Variants in ZNF516 observed in about 807,000 individuals in gnomAD.
ZNF516 encodes zinc finger protein 516.
ZNF516 carries 19 observed loss-of-function variants against 79.7 expected under a neutral mutation model. The observed-to-expected ratio is 0.24, with a 90% CI of 0.17 to 0.35. ZNF516 has a LOEUF of 0.35. Among genes scored for constraint, ZNF516 ranks in the 10% least tolerant of loss-of-function variants. The pLI is 1.00. For synonymous variants in ZNF516, 877 were observed against 739.5 expected, an observed-to-expected ratio of 1.19 and a Z score of -3.02; for missense variants, 1,678 against 1,679.5, an observed-to-expected ratio of 1.00 and a Z score of 0.02.
At chr18:76,461,184 AAAATAAATAAAT>A (rs930242113) in intron 2 of ZNF516, among the ~76,000 whole-genome samples, 1 of 152,196 alleles carries the variant, frequency 6.6e-6, no homozygotes, top group Non-Finnish European at 1.5e-5. Context: ...TCCATCTCAA[AAAATAAATAAAT>A]AAATAAAAAT....
At chr18:76,470,501 T>G (rs1334788736) in intron 1 of ZNF516, among the ~76,000 whole-genome samples, 1 of 152,204 alleles carries the variant, frequency 6.6e-6, no homozygotes, top group Non-Finnish European at 1.5e-5. Flanking sequence ...CAATGAGCTT[T>G]GGAATGGTCT....
rs8087857 is a variant in ZNF516 at position 76,461,591 on chromosome 18, T to C, written c.-158+1437A>G. ...TCTGCAATTGTCAGAAATTCATTTA[T>C]AGGACACAAACGTTTTGCAATCTTG... On this transcript the variant is annotated intron_variant, in intron 2 of 6. Transcript: ENST00000443185. Among the ~76,000 whole-genome samples, 157 of 152,362 alleles carry C rather than the reference T, an allele frequency of 1.0e-3. 1 individual carries two copies. The highest frequency in any genetic ancestry group is 3.7e-3 in the African/African-American group (155 of 41,598).
intron 1 of ZNF516, chr18:76,492,175 G>C (rs988647439): frequency 1.0e-6 from 1 of 985,436 alleles, no homozygotes; most frequent in Non-Finnish European, 1.2e-6. Context: ...GGTGGGTACA[G>C]AAGCGCAGCA....
Position 76,492,234 on chromosome 18 carries a change from G to C in ZNF516, c.-272+2910C>G, listed in dbSNP as rs2406197. On this transcript the variant is annotated intron_variant, in intron 1 of 6. Transcript: ENST00000443185. ...ACCGCGTCTCCAACATTTACACGGA[G>C]ATGCTGCTCGGCTCAGGTCGGGTCC... 6,524 of 985,448 alleles carry C rather than the reference G, an allele frequency of 6.6e-3. 337 individuals carry two copies. In the African/African-American group the frequency reaches 0.1, roughly 16 times the overall value. The allele number at this position is 985,448 out of a possible 1,614,324, so 61.0% of individuals were successfully genotyped here.
chr18:76,432,392 T>C (rs2075672667), intron 3 of ZNF516, among the ~76,000 whole-genome samples: 1 of 152,260 alleles, frequency 6.6e-6, no homozygotes, highest in Non-Finnish European at 1.5e-5. Flanking sequence ...GCACCACCGC[T>C]ACGTTCTCAC....
At chr18:76,429,237 G>T (rs2075632326) in intron 3 of ZNF516, among the ~76,000 whole-genome samples, 1 of 152,210 alleles carries the variant, frequency 6.6e-6, no homozygotes, top group Non-Finnish European at 1.5e-5. Context: ...AGGGCCTGAG[G>T]GTCCCAGGAG....
At chr18:76,383,981 C>T (rs1328996786) in intron 3 of ZNF516, among the ~76,000 whole-genome samples, 2 of 152,220 alleles carry the variant, frequency 1.3e-5, no homozygotes, top group Admixed American at 6.5e-5. Context: ...TTCCTTACTG[C>T]CAAGGTTTCG....
intron 3 of ZNF516, among the ~76,000 whole-genome samples, chr18:76,437,599 G>A (rs1460708815): frequency 5.3e-5 from 8 of 152,028 alleles, no homozygotes; most frequent in African/African-American, 1.7e-4. Context: ...GTGGGACAGG[G>A]GTGACTGATT....
At chr18:76,472,532 G>T (rs759015863) in intron 1 of ZNF516, among the ~76,000 whole-genome samples, 2 of 152,242 alleles carry the variant, frequency 1.3e-5, no homozygotes, top group African/African-American at 2.4e-5. Context: ...GCGCTCACAC[G>T]CATGAACACA....
chr18:76,371,004 G>A (rs955402001), intron 5 of ZNF516, among the ~76,000 whole-genome samples: 2 of 152,130 alleles, frequency 1.3e-5, no homozygotes, highest in African/African-American at 2.4e-5. Context: ...CAGCCCGATC[G>A]GGTGCAAGCT....
intron 1 of ZNF516, among the ~76,000 whole-genome samples, chr18:76,486,920 AAC>A (rs1568332266): frequency 6.6e-6 from 1 of 152,342 alleles, no homozygotes; most frequent in Non-Finnish European, 1.5e-5. Flanking sequence ...TACCAGAATT[AAC>A]ACAGAGTTAA....
intron 1 of ZNF516, among the ~76,000 whole-genome samples, chr18:76,477,588 C>A (rs1035815350): frequency 3.3e-5 from 5 of 152,182 alleles, no homozygotes; most frequent in African/African-American, 9.7e-5. Flanking sequence ...CTTTTAAATA[C>A]ACCAACAAAA....
At position 76,416,647 on chromosome 18, in the gene ZNF516, G is replaced by A. The variant is rs370805992; in HGVS notation, c.1810+24598C>T. ...TCAGAAACATCTCTGAATAGTCAAT[G>A]TGAGGACCATCGCCTACACACCTAA... On this transcript the variant is annotated intron_variant, in intron 3 of 6. Transcript: ENST00000443185. Among the ~76,000 whole-genome samples, 3 of 152,330 alleles carry A rather than the reference G, an allele frequency of 2.0e-5. No individual in the cohort carries two copies. The East Asian group carries it at 5.8e-4, about 29-fold the overall frequency.
At chr18:76,430,421 T>C (rs1257829839) in intron 3 of ZNF516, among the ~76,000 whole-genome samples, 1 of 152,262 alleles carries the variant, frequency 6.6e-6, no homozygotes, top group Non-Finnish European at 1.5e-5. Flanking sequence ...ACTGGAAACC[T>C]GGCCATCATT....
chr18:76,485,005 T>A (rs1242615446), intron 1 of ZNF516, among the ~76,000 whole-genome samples: 1 of 152,130 alleles, frequency 6.6e-6, no homozygotes, highest in Non-Finnish European at 1.5e-5. Flanking sequence ...TTTACGTTGC[T>A]ACGGCAAGCA....
At chr18:76,460,150 C>T (rs1370637768) in intron 2 of ZNF516, among the ~76,000 whole-genome samples, 3 of 152,208 alleles carry the variant, frequency 2.0e-5, no homozygotes, top group African/African-American at 4.8e-5. Flanking sequence ...TGCGGAACTC[C>T]GATGACTCCT....
chr18:76,363,080 T>C (rs1346702444), intron 6 of ZNF516, among the ~76,000 whole-genome samples: 1 of 152,114 alleles, frequency 6.6e-6, no homozygotes, highest in Non-Finnish European at 1.5e-5. Flanking sequence ...CCATAAACAA[T>C]TACCAAGTTG....
intron 3 of ZNF516, chr18:76,388,175 C>G (rs1301407812): frequency 6.6e-6 from 1 of 152,196 alleles, no homozygotes; most frequent in Non-Finnish European, 1.5e-5. Flanking sequence ...CAATGAAATC[C>G]CTGCAATCAC....
intron 1 of ZNF516, among the ~76,000 whole-genome samples, chr18:76,481,500 A>G (rs1470172104): frequency 6.6e-6 from 1 of 152,226 alleles, no homozygotes. Flanking sequence ...CAGGGTAACA[A>G]GCATGACCAG....
Sources: gnomAD v4.1 joint callset for allele counts (sites outside exome capture counted in the v4.1 genomes callset) on GRCh38, gnomAD v4.1.1 for gene constraint, MANE v1.5 for transcripts, NCBI Gene and HGNC (gene_info 2026-07-23, HGNC 2026-07-21) for gene names.